The following AMBRA1 variants were observed in gnomAD, a reference collection of about 807,000 sequenced individuals.
AMBRA1 encodes the protein autophagy and beclin 1 regulator 1.
Under a neutral mutation model 125.4 loss-of-function variants are expected in AMBRA1, and 47 were observed. The ratio of observed to expected loss-of-function variants is 0.37; its 90% confidence interval spans 0.30 to 0.48. AMBRA1 has a LOEUF of 0.48. Ranked by LOEUF, AMBRA1 falls within the 20% of genes least tolerant of loss-of-function variation. AMBRA1 has a pLI of 0.99. For missense variants in AMBRA1, 1,331 were observed against 1,693.4 expected, an observed-to-expected ratio of 0.79 and a Z score of 3.76; for synonymous variants, 626 against 655.5, an observed-to-expected ratio of 0.95 and a Z score of 0.69.
intron 1 of AMBRA1, among the ~76,000 whole-genome samples, chr11:46,578,359 C>T (rs1479525643): frequency 6.6e-6 from 1 of 150,726 alleles, no homozygotes; most frequent in Admixed American, 6.6e-5. Context: ...TGGTCATGTG[C>T]GCTTGTAATC....
At chr11:46,575,901 C>T (rs1336079063) in intron 1 of AMBRA1, among the ~76,000 whole-genome samples, 2 of 152,088 alleles carry the variant, frequency 1.3e-5, no homozygotes, top group African/African-American at 2.4e-5. Flanking sequence ...CTGGCTCTTG[C>T]CTAAAGAATT....
intron 11 of AMBRA1, among the ~76,000 whole-genome samples, chr11:46,487,469 G>A (rs1950306772): frequency 6.6e-6 from 1 of 152,098 alleles, no homozygotes; most frequent in Admixed American, 6.5e-5. Context: ...AAGGATGCCT[G>A]AGAAAAGATT....
At chr11:46,482,327 T>C (rs1438063793) in intron 11 of AMBRA1, among the ~76,000 whole-genome samples, 1 of 152,206 alleles carries the variant, frequency 6.6e-6, no homozygotes, top group African/African-American at 2.4e-5. Context: ...GAAACTTCAC[T>C]CTAATGAGCA....
chr11:46,522,311 G>C (rs888370949), intron 7 of AMBRA1, among the ~76,000 whole-genome samples: 1 of 152,186 alleles, frequency 6.6e-6, no homozygotes, highest in Non-Finnish European at 1.5e-5. Context: ...CACTATAGTT[G>C]TAAGACTTGA....
chr11:46,442,165 T>C (rs919591838), intron 12 of AMBRA1, among the ~76,000 whole-genome samples: 11 of 150,878 alleles, frequency 7.3e-5, no homozygotes, highest in African/African-American at 2.4e-4. Context: ...TTTTTGGAGA[T>C]AGGGTGTCAC....
intron 11 of AMBRA1, among the ~76,000 whole-genome samples, chr11:46,460,040 A>AGCCCATCT (rs1949030126): frequency 6.6e-6 from 1 of 152,224 alleles, no homozygotes. Context: ...AATCTGTGCT[A>AGCCCATCT]TATAACTGAA....
chr11:46,443,033 A>G (rs1018392480), intron 12 of AMBRA1, among the ~76,000 whole-genome samples: 2 of 152,194 alleles, frequency 1.3e-5, no homozygotes, highest in African/African-American at 4.8e-5. Context: ...GTAACTCTCA[A>G]TTAAGCAATT....
At chr11:46,537,103 T>C (rs1202649228) in intron 7 of AMBRA1, among the ~76,000 whole-genome samples, 1 of 152,212 alleles carries the variant, frequency 6.6e-6, no homozygotes, top group Non-Finnish European at 1.5e-5. Context: ...TGTAGTTCTA[T>C]GGGCAAATAA....
At chr11:46,471,500 C>A (rs572142191) in intron 11 of AMBRA1, among the ~76,000 whole-genome samples, 1 of 151,716 alleles carries the variant, frequency 6.6e-6, no homozygotes, top group African/African-American at 2.4e-5. Flanking sequence ...ATGGGGTAAA[C>A]CTGGGAGATG....
Position 46,542,662 on chromosome 11 carries a change from C to A in AMBRA1, c.1355G>T (p.Arg452Ile). 6.2e-7 allele frequency: 1 copy of A among 1,614,204 alleles called. No homozygotes were observed. Among genetic ancestry groups the A allele is most frequent in the Non-Finnish European group, 8.5e-7 (1 of 1,180,030 alleles). ...TGCCTGAGAGCCACCTTCCTGCTGT[C>A]TCAGCACAGACAGCAAACTCACCGA... ...ASSVSLLSVL[R>I]QQEGGSQASV... The change falls in exon 7 of 18, where the codon AGA becomes ATA. Residue 452 changes from arginine to isoleucine, a missense_variant. Physicochemically the swap from Arg to Ile is moderately conservative, Grantham distance 97 (BLOSUM62 -3). This residue lies in a region of AMBRA1 where 689 missense variants were observed against 776.5 expected (regional missense o/e 0.89). Transcript: ENST00000683756. This position sits in a 1 kb window ranked among gnomAD's most constrained non-coding sequence, Gnocchi z 5.9.
In AMBRA1 at chr11:46,411,115, G is replaced by GA. The variant is rs1311400190; in HGVS notation, c.3117-748dup. Among the ~76,000 whole-genome samples the GA allele has an allele frequency of 4.2e-3, 483 of 115,532 alleles. 1 individual carries two copies. Among genetic ancestry groups the GA allele is most frequent in the South Asian group, 8.0e-3 (26 of 3,258 alleles). The allele number at this position is 115,532 out of a possible 152,430, so 75.8% of individuals were successfully genotyped here. On this transcript the variant is annotated intron_variant, in intron 15 of 17. Coordinates refer to ENST00000683756, the MANE Select transcript of AMBRA1 (RefSeq NM_001387011.1). ...ACTCTGTCTCAAAAAAAAAAAAAAA[G>GA]AAAAAAAAAAAAAAGAAAAGCAGAG... is the stretch of plus-strand genomic sequence containing the variant.
At chr11:46,498,659 A>C (rs1950725580) in intron 9 of AMBRA1, among the ~76,000 whole-genome samples, 1 of 152,196 alleles carries the variant, frequency 6.6e-6, no homozygotes, top group African/African-American at 2.4e-5. Context: ...TGAAGGAATG[A>C]AAAATGCACC....
chr11:46,584,543 A>G (rs2135325321), intron 1 of AMBRA1, among the ~76,000 whole-genome samples: 1 of 151,940 alleles, frequency 6.6e-6, no homozygotes, highest in African/African-American at 2.4e-5. Context: ...AAAAAGAAAA[A>G]AAACAAAAAA....
At chr11:46,483,040 A>G (rs1292993984) in intron 11 of AMBRA1, among the ~76,000 whole-genome samples, 1 of 151,830 alleles carries the variant, frequency 6.6e-6, no homozygotes, top group East Asian at 1.9e-4. Flanking sequence ...AAAGAGTAAA[A>G]ACCATGAATC....
chr11:46,422,854 C>G (rs1946915385), intron 14 of AMBRA1, among the ~76,000 whole-genome samples: 1 of 152,168 alleles, frequency 6.6e-6, no homozygotes, highest in South Asian at 2.1e-4. Context: ...AGGTCAAGTG[C>G]AGTTGGCAGA....
intron 17 of AMBRA1, among the ~76,000 whole-genome samples, chr11:46,404,749 G>C (rs185650188): frequency 6.6e-5 from 10 of 152,280 alleles, no homozygotes; most frequent in African/African-American, 2.4e-4. Flanking sequence ...CGAGGAACCA[G>C]GTCTTGCCTC....
At position 46,587,237 on chromosome 11, in the gene AMBRA1, G is replaced by A. The variant is rs541867284; in HGVS notation, c.-121+6591C>T. On this transcript the variant is annotated intron_variant, in intron 1 of 17. Transcript: ENST00000683756. Reference sequence around the variant, plus strand: ...TCTACTCAAAATACAAAAATTAGCCGGACGTGGTGGCACACACCTGTAGTC... The same window carrying A: ...TCTACTCAAAATACAAAAATTAGCCAGACGTGGTGGCACACACCTGTAGTC... Among the ~76,000 whole-genome samples, 13 of 151,840 alleles carry A rather than the reference G, an allele frequency of 8.6e-5. No homozygotes were observed. In the South Asian group the frequency reaches 2.1e-3, roughly 24 times the overall value.
intron 8 of AMBRA1, among the ~76,000 whole-genome samples, chr11:46,508,859 G>A (rs188973281): frequency 6.6e-6 from 1 of 152,174 alleles, no homozygotes; most frequent in Non-Finnish European, 1.5e-5. Context: ...GGTATCCACA[G>A]GTATCTTCAC....
At chr11:46,541,809 A>G (rs1045187482) in intron 7 of AMBRA1, 136 bp downstream of exon 7, 2 of 1,226,716 alleles carry the variant, frequency 1.6e-6, no homozygotes, top group Non-Finnish European at 2.3e-6. Context: ...ATTTTCCAAG[A>G]AAATGCAATG....
Sources: gnomAD v4.1 joint callset for allele counts (sites outside exome capture counted in the v4.1 genomes callset) on GRCh38, gnomAD v4.1.1 for gene constraint, gnomAD v4.1.1 regional missense constraint, Gnocchi (gnomAD v3.1) non-coding constraint, MANE v1.5 for transcripts, NCBI Gene and HGNC (gene_info 2026-07-23, HGNC 2026-07-21) for gene names.